Variants in TF observed in about 807,000 individuals in gnomAD.
TF encodes the protein serotransferrin.
Under a neutral mutation model 82.4 loss-of-function variants are expected in TF, and 55 were observed. That is an observed-to-expected ratio of 0.67 (90% CI 0.54 to 0.84). The LOEUF is 0.84. Ranked by LOEUF, TF falls within the 40% of genes least tolerant of loss-of-function variation. The pLI, the probability that TF is intolerant of heterozygous loss-of-function variation, is 0.00. For synonymous variants in TF, 332 were observed against 332.6 expected (o/e 1.00, Z 0.02); for missense variants, 737 against 868.4 (o/e 0.85, Z 1.90).
rs773144601 is a variant in TF at position 133,753,601 on chromosome 3, G to A, written c.223G>A (p.Glu75Lys). 8.7e-6 allele frequency: 14 copies of A among 1,614,006 alleles called. No individual in the cohort carries two copies. The East Asian group carries it at 1.3e-4, about 15-fold the overall frequency. ...LDCIRAIAAN[E>K]ADAVTLDAGL... The stretch of plus-strand genomic sequence containing the variant: ...CTGGCCTGTTCTCTTTCAGGCAAAC[G>A]AAGCGGATGCTGTGACACTGGATGC... The change falls in exon 3 of 17, where the codon GAA (glutamate) becomes AAA (lysine). Residue 75 changes from glutamate to lysine, a missense_variant. By Grantham distance (56) the Glu-to-Lys change is moderately conservative. Coordinates refer to ENST00000402696, the MANE Select transcript of TF (RefSeq NM_001063.4).
At chr3:133,756,200 C>T (rs1167803195) in intron 5 of TF, 82 bp from the exon 6 acceptor site, 1 of 1,393,490 alleles carries the variant, frequency 7.2e-7, no homozygotes, top group East Asian at 2.4e-5. Flanking sequence ...AGTGTGAGTG[C>T]TGGACAGTGT....
the TF span, among the ~76,000 whole-genome samples, chr3:133,718,886 G>T: frequency 6.6e-6 from 1 of 152,264 alleles, no homozygotes; most frequent in Admixed American, 6.5e-5. Context: ...TTCAGGACTG[G>T]GATTCTATGA....
the TF span, among the ~76,000 whole-genome samples, chr3:133,714,871 C>T: frequency 1.3e-3 from 199 of 151,918 alleles, no homozygotes; most frequent in African/African-American, 4.6e-3. Context: ...TGAGTAGAGA[C>T]GGGGTTTCAC....
At chr3:133,739,466 G>T in the TF span, among the ~76,000 whole-genome samples, 1 of 152,076 alleles carries the variant, frequency 6.6e-6, no homozygotes, top group Non-Finnish European at 1.5e-5. Context: ...TTGACAAATG[G>T]GATCTAATTA....
intron 9 of TF, among the ~76,000 whole-genome samples, chr3:133,759,713 T>A (rs6762415): frequency 6.6e-6 from 1 of 151,834 alleles, no homozygotes; most frequent in Non-Finnish European, 1.5e-5. Context: ...TATCCTAGCC[T>A]GGCATGGTGG....
At chr3:133,721,982 C>G in the TF span, among the ~76,000 whole-genome samples, 1 of 152,058 alleles carries the variant, frequency 6.6e-6, no homozygotes, top group Non-Finnish European at 1.5e-5. Context: ...TGGGGTCAAG[C>G]CATCCTCCCA....
chr3:133,686,769 T>C, the TF span, among the ~76,000 whole-genome samples: 1 of 152,312 alleles, frequency 6.6e-6, no homozygotes, highest in East Asian at 1.9e-4. Context: ...AGTTCAGCCA[T>C]TGTGGAAGAC....
In TF at chr3:133,791,593, T is replaced by C. The variant is rs1934834493; in HGVS notation, c.*12973T>C. The stretch of plus-strand genomic sequence containing the variant: ...CGATCTTAAGCTGTAGTGAATCTGG[T>C]GTGCTTTGTGTCTTTCTGTATTGTT... On this transcript the variant is annotated 3_prime_UTR_variant, in exon 17 of 17. Transcript: ENST00000402696. The C allele has an allele frequency of 6.6e-6, 1 of 152,236 alleles. No homozygotes were observed. Among genetic ancestry groups the C allele is most frequent in the Admixed American group, 6.5e-5 (1 of 15,288 alleles). 9.4% of individuals were successfully genotyped at this position (152,236 alleles called of 1,614,324 possible). A position where few individuals can be genotyped will look rare whatever the true frequency, so the allele number is the denominator to read the frequency against.
chr3:133,741,512 A>G (rs768083188), upstream of TF, among the ~76,000 whole-genome samples: 7 of 152,228 alleles, frequency 4.6e-5, no homozygotes, highest in Non-Finnish European at 1.0e-4. Context: ...TCAACAGAAA[A>G]GCTTTATTCA....
intron 12 of TF, among the ~76,000 whole-genome samples, chr3:133,767,069 G>T (rs190012485): frequency 6.6e-6 from 1 of 152,248 alleles, no homozygotes; most frequent in East Asian, 1.9e-4. Flanking sequence ...GGGTAGACAG[G>T]TAGCAATCCC....
At chr3:133,680,186 C>CT in the TF span, among the ~76,000 whole-genome samples, 6 of 151,674 alleles carry the variant, frequency 4.0e-5, no homozygotes, top group Non-Finnish European at 8.8e-5. Context: ...TTTACTCACA[C>CT]TTTTTTTTCT....
At chr3:133,731,658 T>G in the TF span, among the ~76,000 whole-genome samples, 1 of 152,246 alleles carries the variant, frequency 6.6e-6, no homozygotes, top group Non-Finnish European at 1.5e-5. Context: ...CATCTATTGG[T>G]GTCATTACCA....
In TF at chr3:133,791,671, A is replaced by T. The variant is rs1576375332; in HGVS notation, c.*13051A>T. On this transcript the variant is annotated 3_prime_UTR_variant, in exon 17 of 17. Transcript: ENST00000402696. ...AAAATGTGTGCTTAGGACCCCATAG[A>T]CCTGCTGTTCAAGACACACCAGCAG... 6.6e-6 allele frequency: 1 copy of T among 152,116 alleles called. No individual in the cohort carries two copies. 9.4% of individuals were successfully genotyped at this position (152,116 alleles called of 1,614,324 possible).
At chr3:133,702,705 A>G in the TF span, among the ~76,000 whole-genome samples, 1 of 152,092 alleles carries the variant, frequency 6.6e-6, no homozygotes, top group Non-Finnish European at 1.5e-5. Flanking sequence ...TTATGAGCAG[A>G]ACTATTTTTG....
the TF span, among the ~76,000 whole-genome samples, chr3:133,672,755 G>A: frequency 7.9e-6 from 1 of 126,416 alleles, no homozygotes; most frequent in African/African-American, 3.0e-5. Context: ...GGGAGGGAAA[G>A]GAAGGGGAGG....
At chr3:133,682,933 A>G in the TF span, among the ~76,000 whole-genome samples, 1 of 152,348 alleles carries the variant, frequency 6.6e-6, no homozygotes, top group Admixed American at 6.5e-5. Flanking sequence ...GAGGGAAAAA[A>G]TGTTGAGGGC....
chr3:133,754,794 T>C (rs979992877), intron 4 of TF, 123 bp downstream of exon 4: 20 of 1,105,794 alleles, frequency 1.8e-5, no homozygotes, highest in South Asian at 1.6e-4. Context: ...GGAAAGAGGT[T>C]AACAGACTTT....
chr3:133,731,220 G>C, the TF span, among the ~76,000 whole-genome samples: 2 of 152,138 alleles, frequency 1.3e-5, no homozygotes, highest in Admixed American at 6.6e-5. Context: ...AGCTTAACCA[G>C]CTGAACAGAG....
rs969456522 is a variant in TF, at chr3:133,779,660, C to T, written c.*1040C>T. The T allele has an allele frequency of 1.3e-5, 2 of 152,418 alleles. No individual in the cohort carries two copies. The highest frequency in any genetic ancestry group is 1.3e-4 in the Admixed American group (2 of 15,270). The allele number at this position is 152,418 out of a possible 1,614,324, so 9.4% of individuals were successfully genotyped here. On this transcript the variant is annotated 3_prime_UTR_variant, in exon 17 of 17. Coordinates refer to ENST00000402696, the MANE Select transcript of TF (RefSeq NM_001063.4). ...CAGTGCTCCTCTCACTTTGCAGGCC[C>T]TCCTTCAGTGATGCTCATGACTCCT... is the stretch of plus-strand genomic sequence containing the variant.
Sources: gnomAD v4.1 joint callset for allele counts (sites outside exome capture counted in the v4.1 genomes callset) on GRCh38, gnomAD v4.1.1 for gene constraint, MANE v1.5 for transcripts, NCBI Gene and HGNC (gene_info 2026-07-23, HGNC 2026-07-21) for gene names.